MARCHF8: variants seen among roughly 807,000 people sequenced by gnomAD.
The protein encoded by MARCHF8 is membrane associated ring-CH-type finger 8, also known as E3 ubiquitin-protein ligase MARCHF8.
A neutral mutation model predicts 51.6 loss-of-function variants in MARCHF8; 40 were observed. The ratio of observed to expected loss-of-function variants is 0.77; its 90% CI spans 0.60 to 1.01. The LOEUF is 1.01. Ranked by LOEUF, MARCHF8 falls within the 50% of genes least tolerant of loss-of-function variation. The pLI is 0.00. For missense variants in MARCHF8, 685 were observed against 708.6 expected (o/e 0.97, Z 0.38); for synonymous variants, 263 against 280.3 (o/e 0.94, Z 0.62).
chr10:45,553,691 T>C (rs7920317), intron 1 of MARCHF8, among the ~76,000 whole-genome samples: 54,212 of 152,074 alleles, frequency 0.36, 10,179 homozygotes, highest in African/African-American at 0.48. Context: ...ATGACAAATG[T>C]CTCTATATAC....
At chr10:45,555,002 T>C (rs1490355733) in intron 1 of MARCHF8, among the ~76,000 whole-genome samples, 1 of 151,866 alleles carries the variant, frequency 6.6e-6, no homozygotes, top group Non-Finnish European at 1.5e-5. Flanking sequence ...TGAAGTGAGC[T>C]GAGATTGCGC....
chr10:45,461,059 G>A (rs1185943545), intron 6 of MARCHF8, 172 bp downstream of exon 6: 1 of 442,256 alleles, frequency 2.3e-6, no homozygotes, highest in East Asian at 3.5e-5. Flanking sequence ...CTGAGAAGAG[G>A]GACTTGAAAA....
intron 2 of MARCHF8, among the ~76,000 whole-genome samples, chr10:45,532,287 T>C (rs1353143536): frequency 2.0e-5 from 3 of 152,230 alleles, no homozygotes; most frequent in African/African-American, 7.2e-5. Flanking sequence ...AGTGAGGGTG[T>C]ATATCAAAAA....
chr10:45,459,416 C>T, intron 6 of MARCHF8, 149 bp from the exon 7 acceptor site: 2 of 952,488 alleles, frequency 2.1e-6, no homozygotes, highest in South Asian at 3.8e-5. Context: ...TCTCCTAAAA[C>T]CACTTGGCTT....
At chr10:45,564,602 T>C (rs2044344354) in intron 1 of MARCHF8, among the ~76,000 whole-genome samples, 1 of 151,916 alleles carries the variant, frequency 6.6e-6, no homozygotes, top group African/African-American at 2.4e-5. Context: ...CTTCCCAAAT[T>C]TAGCAAAAAA....
rs1305578229 is a variant in MARCHF8 at position 45,533,141 on chromosome 10, C to A, written c.71G>T (p.Ser24Ile). ...TTCCCTCTCCTTTTCTTTGGTCTTA[C>A]TTCTGTAGACTCTAGCAGAGATGGC... Reference protein sequence around the residue: ...QDAISARVYRSKTKEKEREEQ... With the variant: ...QDAISARVYRIKTKEKEREEQ... The change falls in exon 2 of 8, where the codon AGT (serine) becomes ATT (isoleucine). Residue 24 changes from serine (S) to isoleucine (I), a missense_variant. By Grantham distance (142) the Ser-to-Ile change is moderately radical (BLOSUM62 -2). Coordinates refer to ENST00000453424, the MANE Select transcript of MARCHF8 (RefSeq NM_001282866.2). 6.2e-7 allele frequency: 1 copy of A among 1,611,934 alleles called. No homozygotes were observed. Among genetic ancestry groups the A allele is most frequent in the Non-Finnish European group, 8.5e-7 (1 of 1,179,102 alleles).
upstream of MARCHF8, among the ~76,000 whole-genome samples, chr10:45,536,883 A>AATAAT (rs1554817163): frequency 5.9e-4 from 76 of 129,336 alleles, no homozygotes; most frequent in Middle Eastern, 4.5e-3. Flanking sequence ...ATAATAATAA[A>AATAAT]GACAAATAAC....
chr10:45,506,277 T>C (rs1589131704), intron 2 of MARCHF8, among the ~76,000 whole-genome samples: 1 of 152,252 alleles, frequency 6.6e-6, no homozygotes, highest in African/African-American at 2.4e-5. Flanking sequence ...TTAATATTTA[T>C]GGTTTAAAAG....
intron 2 of MARCHF8, among the ~76,000 whole-genome samples, chr10:45,511,751 C>T (rs2043512279): frequency 6.6e-6 from 1 of 152,106 alleles, no homozygotes; most frequent in Non-Finnish European, 1.5e-5. Flanking sequence ...GTGATCTCGG[C>T]TCGCTACAAC....
intron 2 of MARCHF8, among the ~76,000 whole-genome samples, chr10:45,489,908 C>A (rs71515355): frequency 0.062 from 9,366 of 152,184 alleles, 332 homozygotes; most frequent in Non-Finnish European, 0.067. Context: ...AATACTCAAT[C>A]GGGATATCAC....
intron 1 of MARCHF8, among the ~76,000 whole-genome samples, chr10:45,534,642 A>G (rs1421501858): frequency 6.6e-6 from 1 of 152,212 alleles, no homozygotes; most frequent in Non-Finnish European, 1.5e-5. Context: ...CCTTCAACCA[A>G]AAGAATGAAT....
intron 2 of MARCHF8, among the ~76,000 whole-genome samples, chr10:45,506,056 T>TTATAAAATCTACTACATTATGAAA (rs148803103): frequency 0.035 from 5,318 of 152,282 alleles, 142 homozygotes; most frequent in East Asian, 0.052. Flanking sequence ...ACAAATTAGA[T>TTATAAAATCTACTACATTATGAAA]TATAAAATCT....
At chr10:45,481,578 T>C (rs577974228) in intron 3 of MARCHF8, among the ~76,000 whole-genome samples, 7 of 152,346 alleles carry the variant, frequency 4.6e-5, no homozygotes, top group African/African-American at 1.4e-4. Context: ...CTGATGGTTT[T>C]ATAAGGGGAA....
intron 1 of MARCHF8, among the ~76,000 whole-genome samples, chr10:45,567,024 T>C (rs1051605076): frequency 1.1e-4 from 16 of 152,248 alleles, no homozygotes; most frequent in South Asian, 2.1e-4. Flanking sequence ...ATTTCTCTGA[T>C]GATTGATGTT....
At chr10:45,471,477 A>G (rs2042687827) in intron 3 of MARCHF8, among the ~76,000 whole-genome samples, 1 of 152,202 alleles carries the variant, frequency 6.6e-6, no homozygotes, top group East Asian at 1.9e-4. Flanking sequence ...ATCCAAAATC[A>G]CCAGAAATAA....
At chr10:45,545,828 A>C (rs1167011798) in intron 1 of MARCHF8, among the ~76,000 whole-genome samples, 5 of 152,308 alleles carry the variant, frequency 3.3e-5, no homozygotes, top group African/African-American at 4.8e-5. Flanking sequence ...CCAGGAAAGA[A>C]GGCTCCCCCT....
intron 1 of MARCHF8, among the ~76,000 whole-genome samples, chr10:45,591,838 T>A (rs1266108263): frequency 3.9e-5 from 6 of 152,174 alleles, no homozygotes; most frequent in Non-Finnish European, 7.4e-5. Context: ...CTTATCCACT[T>A]CTTTCCACCG....
intron 2 of MARCHF8, among the ~76,000 whole-genome samples, chr10:45,507,811 GAA>G (rs34156328): frequency 2.5e-5 from 3 of 122,284 alleles, no homozygotes; most frequent in African/African-American, 3.0e-5. Flanking sequence ...GCTCAGTTTT[GAA>G]AAAAAAAAAA....
At chr10:45,470,828 T>G (rs2042675031) in intron 3 of MARCHF8, among the ~76,000 whole-genome samples, 1 of 152,144 alleles carries the variant, frequency 6.6e-6, no homozygotes, top group South Asian at 2.1e-4. Context: ...CAGACTGAGA[T>G]TACATCTTGA....
Sources: allele counts gnomAD v4.1 joint callset (sites outside exome capture counted in the v4.1 genomes callset), GRCh38; gene constraint gnomAD v4.1.1; transcripts MANE v1.5; gene names NCBI Gene and HGNC (gene_info 2026-07-23, HGNC 2026-07-21).